The following CALN1 variants were observed in gnomAD, a reference collection of about 807,000 sequenced individuals.
CALN1 encodes the protein calneuron 1.
Under a neutral mutation model 30.6 loss-of-function variants are expected in CALN1, and 17 were observed. The ratio of observed to expected loss-of-function variants is 0.56; its 90% CI spans 0.38 to 0.83. The LOEUF (loss-of-function observed/expected upper bound fraction) is 0.83. CALN1 is among the 40% of genes least tolerant of loss of function. CALN1 has a pLI of 0.00. For synonymous variants in CALN1, 156 were observed against 131.4 expected (o/e 1.19, Z -1.28); for missense variants, 291 against 354.9 (o/e 0.82, Z 1.45).
intron 3 of CALN1, among the ~76,000 whole-genome samples, chr7:72,218,921 G>C (rs1041604788): frequency 4.6e-5 from 7 of 152,174 alleles, no homozygotes; most frequent in African/African-American, 1.7e-4. Context: ...ATGGAGTTCA[G>C]GAAGGGGCTG....
intron 6 of CALN1, among the ~76,000 whole-genome samples, chr7:71,805,147 T>C (rs1302715838): frequency 6.6e-6 from 1 of 152,166 alleles, no homozygotes; most frequent in East Asian, 1.9e-4. Flanking sequence ...ATTCTTTAAG[T>C]TCCATCTCTG....
the CALN1 span, among the ~76,000 whole-genome samples, chr7:72,487,765 A>AAGG: frequency 6.4e-5 from 5 of 78,616 alleles, no homozygotes; most frequent in African/African-American, 1.2e-4. Context: ...AAGGAAGGGT[A>AAGG]AAGAAAGAAA....
At chr7:71,950,730 A>G (rs1796647479) in intron 5 of CALN1, among the ~76,000 whole-genome samples, 1 of 152,282 alleles carries the variant, frequency 6.6e-6, no homozygotes, top group Non-Finnish European at 1.5e-5. Flanking sequence ...AATCACGTCC[A>G]TACTCCTACC....
the CALN1 span, among the ~76,000 whole-genome samples, chr7:72,472,612 G>A: frequency 3.4e-5 from 4 of 118,406 alleles, no homozygotes; most frequent in African/African-American, 1.6e-4. Context: ...CGGTGAACCC[G>A]TCTCTACTAA....
intron 5 of CALN1, among the ~76,000 whole-genome samples, chr7:71,941,346 A>G (rs895576742): frequency 1.7e-5 from 2 of 119,428 alleles, no homozygotes; most frequent in South Asian, 5.4e-4. Context: ...GTGAGACTGC[A>G]TCTCAAAAAA....
At chr7:71,851,489 A>C (rs1381385002) in intron 5 of CALN1, among the ~76,000 whole-genome samples, 2 of 151,988 alleles carry the variant, frequency 1.3e-5, no homozygotes, top group East Asian at 3.9e-4. Context: ...ACTGCACTCC[A>C]GCCTAGGTAA....
At chr7:72,122,685 C>G (rs537576698) in intron 3 of CALN1, among the ~76,000 whole-genome samples, 2 of 152,132 alleles carry the variant, frequency 1.3e-5, no homozygotes, top group East Asian at 1.9e-4. Context: ...GTGATCACGC[C>G]GCTGCACTCC....
the CALN1 span, among the ~76,000 whole-genome samples, chr7:72,500,266 C>CTTTTTTT: frequency 2.6e-5 from 2 of 76,802 alleles, no homozygotes; most frequent in East Asian, 8.7e-4. Context: ...CTGTTCGTTC[C>CTTTTTTT]TTCTTTTTTT....
intron 3 of CALN1, among the ~76,000 whole-genome samples, chr7:72,109,597 T>C (rs988941553): frequency 4.6e-5 from 7 of 152,204 alleles, no homozygotes; most frequent in Non-Finnish European, 7.3e-5. Context: ...CAAGGTTACC[T>C]AAAACAGCCA....
In CALN1 at chr7:71,787,763, G is replaced by A. The variant is rs1793059338; in HGVS notation, c.*12C>T. The A allele has an allele frequency of 1.2e-6, 2 of 1,613,240 alleles. No individual in the cohort carries two copies. Among genetic ancestry groups the A allele is most frequent in the South Asian group, 2.2e-5 (2 of 91,058 alleles). ...CGGTGAGCTGCAACACAGTGTGGCTGGCGGGAGGCTGCTACTCCATGCCGC... is the reference window on the plus strand; with the variant it reads ...CGGTGAGCTGCAACACAGTGTGGCTAGCGGGAGGCTGCTACTCCATGCCGC... On this transcript the variant is annotated 3_prime_UTR_variant, in exon 7 of 7. Transcript: ENST00000395275.
intron 2 of CALN1, among the ~76,000 whole-genome samples, chr7:72,305,448 T>C (rs2129555944): frequency 6.6e-6 from 1 of 152,302 alleles, no homozygotes; most frequent in African/African-American, 2.4e-5. Context: ...AATTTCTATG[T>C]AACTTCCTTC....
chr7:72,266,295 G>A (rs888760357), intron 3 of CALN1, among the ~76,000 whole-genome samples: 5 of 152,194 alleles, frequency 3.3e-5, no homozygotes, highest in Non-Finnish European at 7.3e-5. Flanking sequence ...TGATAGTGAG[G>A]TAAGGTTGAA....
chr7:72,227,097 C>A (rs1188845709), intron 3 of CALN1, among the ~76,000 whole-genome samples: 1 of 151,960 alleles, frequency 6.6e-6, no homozygotes. Context: ...GGATGGACGG[C>A]AAGGGTTGAA....
At chr7:72,261,801 GAACA>G (rs1193591746) in intron 3 of CALN1, among the ~76,000 whole-genome samples, 1 of 152,130 alleles carries the variant, frequency 6.6e-6, no homozygotes, top group Non-Finnish European at 1.5e-5. Flanking sequence ...AACTTTAGTG[GAACA>G]AACAAACTCT....
At chr7:72,181,620 G>C (rs1172576126) in intron 3 of CALN1, among the ~76,000 whole-genome samples, 1 of 152,000 alleles carries the variant, frequency 6.6e-6, no homozygotes, top group Admixed American at 6.6e-5. Context: ...TGGGATTACA[G>C]GTGTGAGCCA....
intron 5 of CALN1, among the ~76,000 whole-genome samples, chr7:71,956,995 G>A (rs1241011848): frequency 6.6e-6 from 1 of 152,104 alleles, no homozygotes; most frequent in Non-Finnish European, 1.5e-5. Flanking sequence ...ACCACACCCA[G>A]CCCTATACTT....
At chr7:72,379,999 C>T (rs1180790850) in intron 2 of CALN1, among the ~76,000 whole-genome samples, 1 of 152,108 alleles carries the variant, frequency 6.6e-6, no homozygotes, top group African/African-American at 2.4e-5. Context: ...GTATGCCTGT[C>T]GGTCTATGTA....
chr7:72,234,012 T>C (rs1239172867), intron 3 of CALN1, among the ~76,000 whole-genome samples: 7 of 151,346 alleles, frequency 4.6e-5, no homozygotes, highest in Non-Finnish European at 8.8e-5. Context: ...TCAAAATAAA[T>C]AAATAAACAA....
At position 72,278,808 on chromosome 7, in the gene CALN1, T is replaced by A; in HGVS notation, c.122A>T (p.Glu41Val). The A allele has an allele frequency of 6.2e-7, 1 of 1,612,882 alleles. No homozygotes were observed. The highest frequency in any genetic ancestry group is 8.5e-7 in the Non-Finnish European group (1 of 1,179,062). ...RSQAPDFPTW[E>V]KMPFHHVTAG... ...GGTCACATGGTGGAACGGCATCTTT[T>A]CCCTGCCCAAGAGAGAACAGGGGAG... The change falls in exon 3 of 7, where the codon GAA (glutamate) becomes GTA (valine). Residue 41 changes from glutamate (E) to valine (V), a missense_variant and splice_region_variant. Glu to Val is a moderately radical substitution (Grantham distance 121). Around this residue, in one of 2 missense-constraint regions of CALN1, gnomAD observed 122 missense variants for 103.2 expected, o/e 1.18. Coordinates refer to ENST00000395275, the MANE Select transcript of CALN1 (RefSeq NM_031468.4).
Sources: gnomAD v4.1 joint callset for allele counts (sites outside exome capture counted in the v4.1 genomes callset) on GRCh38, gnomAD v4.1.1 for gene constraint, gnomAD v4.1.1 regional missense constraint, MANE v1.5 for transcripts, NCBI Gene and HGNC (gene_info 2026-07-23, HGNC 2026-07-21) for gene names.